EBF3: variants seen among roughly 807,000 people sequenced by gnomAD.
The protein encoded by EBF3 is transcription factor COE3.
Under a neutral mutation model 77.1 loss-of-function variants are expected in EBF3, and 18 were observed. The observed-to-expected ratio is 0.23, with a 90% confidence interval of 0.16 to 0.35. The LOEUF (loss-of-function observed/expected upper bound fraction) is 0.35, where lower values mean the gene tolerates loss of function less well. Among genes scored for constraint, EBF3 ranks in the 10% least tolerant of loss-of-function variants. EBF3 has a pLI of 1.00. For missense variants in EBF3, 558 were observed against 860.0 expected (o/e 0.65, Z 4.39); for synonymous variants, 350 against 343.5 (o/e 1.02, Z -0.21).
At chr10:129,950,592 G>A (rs2134567216) in intron 6 of EBF3, among the ~76,000 whole-genome samples, 1 of 152,122 alleles carries the variant, frequency 6.6e-6, no homozygotes, top group Middle Eastern at 3.4e-3. Context: ...TTTAATGAAC[G>A]CTGGTTACCC....
At position 129,952,861 on chromosome 10, in the gene EBF3, A is replaced by G. The variant is rs770601917; in HGVS notation, c.554+4397T>C. ...CAAATTACACGATATTAATACTTGAACAGGTGCAGAAAGGCGCTTTAAATG... is the reference window on the plus strand; with the variant it reads ...CAAATTACACGATATTAATACTTGAGCAGGTGCAGAAAGGCGCTTTAAATG... On this transcript the variant is annotated intron_variant, in intron 6 of 16. Coordinates refer to ENST00000440978, the MANE Select transcript of EBF3 (RefSeq NM_001375380.1). This position sits in a 1 kb window ranked among gnomAD's most constrained non-coding sequence, Gnocchi z 4.7. Among the ~76,000 whole-genome samples the G allele has an allele frequency of 5.9e-5, 9 of 152,186 alleles. No individual in the cohort carries two copies. The highest frequency in any genetic ancestry group is 2.0e-4 in the Admixed American group (3 of 15,276).
At position 129,835,348 on chromosome 10, in the gene EBF3, A is replaced by G. The variant is rs888159563; in HGVS notation, c.*2595T>C. ...AAAATGAACATTTTTATACAGTTAA[A>G]TATCTGAAAAAATGTACAGATAAAA... On this transcript the variant is annotated 3_prime_UTR_variant, in exon 17 of 17. Coordinates refer to ENST00000440978, the MANE Select transcript of EBF3 (RefSeq NM_001375380.1). The G allele has an allele frequency of 6.6e-6, 1 of 152,600 alleles. No homozygotes were observed. The highest frequency in any genetic ancestry group is 1.5e-5 in the Non-Finnish European group (1 of 68,038). The allele number at this position is 152,600 out of a possible 1,614,324, so 9.5% of individuals were successfully genotyped here. A position where few individuals can be genotyped will look rare whatever the true frequency, so the allele number is the denominator to read the frequency against.
At chr10:129,853,994 A>G (rs35192179) in intron 10 of EBF3, among the ~76,000 whole-genome samples, 2,969 of 152,320 alleles carry the variant, frequency 0.019, 36 homozygotes, top group Middle Eastern at 0.041. Flanking sequence ...CTTTTCTTTC[A>G]AAAATGACTG....
chr10:129,936,112 T>C (rs931696310), intron 6 of EBF3, among the ~76,000 whole-genome samples: 2 of 152,190 alleles, frequency 1.3e-5, no homozygotes, highest in Non-Finnish European at 2.9e-5. Flanking sequence ...TAGAATTATA[T>C]AGAATTCCAT....
Position 129,964,056 on chromosome 10 carries a change from C to T in EBF3, c.-288G>A. On this transcript the variant is annotated 5_prime_UTR_variant, in exon 1 of 17. Transcript: ENST00000440978. The surrounding 1 kb of genome is among the most constrained non-coding windows in gnomAD (Gnocchi z 4.5). ...GCTTGTTGTTGTTGTTGTTTGCAGG[C>T]GCGCTCAACGTGGTGTCATCCTAGC... 1 of 985,190 alleles carries T rather than the reference C, an allele frequency of 1.0e-6. No homozygotes were observed. Among genetic ancestry groups the T allele is most frequent in the Non-Finnish European group, 1.2e-6 (1 of 829,862 alleles). 61.0% of individuals were successfully genotyped at this position (985,190 alleles called of 1,614,324 possible).
intron 10 of EBF3, among the ~76,000 whole-genome samples, chr10:129,851,018 G>A (rs533395316): frequency 3.9e-4 from 60 of 152,354 alleles, no homozygotes; most frequent in African/African-American, 1.2e-3. Flanking sequence ...ACAGAGCCCC[G>A]AGCCAGGCCA....
intron 11 of EBF3, among the ~76,000 whole-genome samples, chr10:129,846,289 G>T (rs1850459511): frequency 6.6e-6 from 1 of 151,984 alleles, no homozygotes; most frequent in East Asian, 1.9e-4. Flanking sequence ...AAAACAATGT[G>T]TGTGCAATGT....
intron 5 of EBF3, 50 bp from the exon 6 acceptor site, chr10:129,957,376 T>C: frequency 2.1e-6 from 3 of 1,455,130 alleles, no homozygotes; most frequent in South Asian, 2.6e-5. Context: ...CCCCCTTTTA[T>C]GCCCGACTTG....
intron 16 of EBF3, among the ~76,000 whole-genome samples, chr10:129,838,589 G>A (rs959303518): frequency 2.0e-5 from 3 of 152,172 alleles, no homozygotes; most frequent in South Asian, 2.1e-4. Context: ...GCACCGCCTC[G>A]GGACCTTTTT....
chr10:129,962,435 A>C (rs1400134605), intron 3 of EBF3, among the ~76,000 whole-genome samples: 2 of 152,044 alleles, frequency 1.3e-5, no homozygotes, highest in African/African-American at 4.8e-5. Flanking sequence ...TAAGGCTCTT[A>C]GGGCTTGCAT....
At chr10:129,921,434 C>T (rs894351966) in intron 6 of EBF3, among the ~76,000 whole-genome samples, 1 of 152,220 alleles carries the variant, frequency 6.6e-6, no homozygotes, top group Non-Finnish European at 1.5e-5. Flanking sequence ...CCCCTGCAGA[C>T]AATCACCAAG....
intron 8 of EBF3, among the ~76,000 whole-genome samples, chr10:129,871,293 G>C (rs1273720985): frequency 6.6e-6 from 1 of 152,220 alleles, no homozygotes; most frequent in Non-Finnish European, 1.5e-5. Flanking sequence ...TGCTGAAAGG[G>C]AGAATGGTTG....
At chr10:129,912,883 C>T (rs1158149708) in intron 6 of EBF3, among the ~76,000 whole-genome samples, 2 of 152,238 alleles carry the variant, frequency 1.3e-5, no homozygotes, top group African/African-American at 4.8e-5. Flanking sequence ...CTGTATGCAG[C>T]GTTTCATTAC....
In EBF3 at chr10:129,938,701, G is replaced by A. The variant is rs563575356; in HGVS notation, c.554+18557C>T. 1.6e-4 allele frequency among the ~76,000 whole-genome samples: 24 copies of A among 152,326 alleles called. 1 individual carries two copies. In the South Asian group the frequency reaches 2.3e-3, roughly 14 times the overall value. ...CCACGAGAAAGGTGCGGCTGCAACC[G>A]ACGAGCACTGCCTTGTGTCCTGGGA... On this transcript the variant is annotated intron_variant, in intron 6 of 16. Transcript: ENST00000440978. The surrounding 1 kb of genome is among the most constrained non-coding windows in gnomAD (Gnocchi z 5.1).
Position 129,864,809 on chromosome 10 carries a change from A to G in EBF3, c.1039+2332T>C, listed in dbSNP as rs1300097107. ...GCTGCTCCATGGCTCACAAGCAATA[A>G]TCAACACCCGCTTTCCTAAGGAGCT... On this transcript the variant is annotated intron_variant, in intron 10 of 16. Transcript: ENST00000440978. The surrounding 1 kb of genome is among the most constrained non-coding windows in gnomAD (Gnocchi z 4.4). 6.6e-6 allele frequency among the ~76,000 whole-genome samples: 1 copy of G among 152,188 alleles called. No homozygotes were observed. Among genetic ancestry groups the G allele is most frequent in the Non-Finnish European group, 1.5e-5 (1 of 68,032 alleles).
chr10:129,938,817 G>A lies in EBF3; in HGVS notation c.554+18441C>T, dbSNP rs367822407. On this transcript the variant is annotated intron_variant, in intron 6 of 16. Transcript: ENST00000440978. This position sits in a 1 kb window ranked among gnomAD's most constrained non-coding sequence, Gnocchi z 5.1. ...CTTCGTGGCCCATAAAACCAACCTG[G>A]GGAAAGAGAACAGAACTTTGGGGCA... Among the ~76,000 whole-genome samples the A allele has an allele frequency of 2.0e-5, 3 of 152,200 alleles. No individual in the cohort carries two copies. In the East Asian group the frequency reaches 5.8e-4, roughly 30 times the overall value.
In EBF3 at chr10:129,842,413, ATTTC is replaced by A; in HGVS notation, c.1195-124_1195-121del. 1 of 1,155,666 alleles carries A rather than the reference ATTTC, an allele frequency of 8.7e-7. No homozygotes were observed. Among genetic ancestry groups the A allele is most frequent in the Non-Finnish European group, 1.2e-6 (1 of 841,220 alleles). 71.6% of individuals were successfully genotyped at this position (1,155,666 alleles called of 1,614,324 possible). ...CCTTGCCCAGACCATGACCAAATCT[ATTTC>A]TTAATGGGCAAAGAGCTTCCCCTAG... is the stretch of plus-strand genomic sequence containing the variant. On this transcript the variant is annotated intron_variant, in intron 12 of 16. Transcript: ENST00000440978. The surrounding 1 kb of genome is among the most constrained non-coding windows in gnomAD (Gnocchi z 4.4).
At chr10:129,954,211 C>T (rs1858874336) in intron 6 of EBF3, among the ~76,000 whole-genome samples, 1 of 152,062 alleles carries the variant, frequency 6.6e-6, no homozygotes, top group African/African-American at 2.4e-5. Flanking sequence ...CTTTATTGAC[C>T]ATGCTTTTTA....
chr10:129,843,086 G>T, intron 12 of EBF3, 51 bp downstream of exon 12: 1 of 1,547,192 alleles, frequency 6.5e-7, no homozygotes. Context: ...GGCTGCCCAC[G>T]GGTTCTGGCA....
Sources: allele counts gnomAD v4.1 joint callset (sites outside exome capture counted in the v4.1 genomes callset), GRCh38; gene constraint gnomAD v4.1.1; non-coding constraint Gnocchi (gnomAD v3.1); transcripts MANE v1.5; gene names NCBI Gene and HGNC (gene_info 2026-07-23, HGNC 2026-07-21).